ESF1: variants seen among roughly 807,000 people sequenced by gnomAD.
The protein encoded by ESF1 is ESF1 homolog.
In ESF1, 58 loss-of-function variants were observed where a neutral mutation model predicts 92.0. The observed-to-expected ratio is 0.63, with a 90% CI of 0.51 to 0.78. ESF1 has a LOEUF of 0.78. Among genes scored for constraint, ESF1 ranks in the 30% least tolerant of loss-of-function variants. The pLI, the probability that ESF1 is intolerant of heterozygous loss-of-function variation, is 0.00. For synonymous variants in ESF1, 321 were observed against 313.7 expected, an observed-to-expected ratio of 1.02 and a Z score of -0.24; for missense variants, 922 against 989.1, an observed-to-expected ratio of 0.93 and a Z score of 0.91.
At chr20:13,779,169 A>G (rs943793319) in intron 2 of ESF1, among the ~76,000 whole-genome samples, 2 of 152,234 alleles carry the variant, frequency 1.3e-5, no homozygotes, top group South Asian at 2.1e-4. Context: ...GTATTGCTCT[A>G]GTAGTGACTG....
In ESF1 at chr20:13,748,592, A is replaced by ATATATTTT. The variant is rs1331098586; in HGVS notation, c.1828+11099_1828+11100insAAAATATA. On this transcript the variant is annotated intron_variant, in intron 9 of 13. Transcript: ENST00000617257. ...TGTGTGTGTATATATATATATATATATTTTTTTTTTTTTGAGATGGAGTGT... is the reference window on the plus strand; with the variant it reads ...TGTGTGTGTATATATATATATATATATATATTTTTTTTTTTTTTTTTGAGATGGAGTGT... 2.3e-4 allele frequency among the ~76,000 whole-genome samples: 22 copies of ATATATTTT among 95,722 alleles called. 1 individual carries two copies. Among genetic ancestry groups the ATATATTTT allele is most frequent in the African/African-American group, 1.2e-3 (19 of 15,546 alleles). 62.8% of individuals were successfully genotyped at this position (95,722 alleles called of 152,430 possible).
intron 10 of ESF1, among the ~76,000 whole-genome samples, chr20:13,730,676 A>G (rs948860242): frequency 4.0e-5 from 6 of 149,682 alleles, no homozygotes; most frequent in Non-Finnish European, 7.4e-5. Context: ...GAGCCACCGC[A>G]CCCAGCCAGA....
chr20:13,761,367 G>C (rs577060966), intron 8 of ESF1, among the ~76,000 whole-genome samples: 82 of 125,328 alleles, frequency 6.5e-4, no homozygotes, highest in African/African-American at 2.4e-3. Flanking sequence ...AAACACCCAA[G>C]AATGATCAAT....
At chr20:13,721,553 G>A (rs2049868259) in intron 11 of ESF1, among the ~76,000 whole-genome samples, 1 of 152,204 alleles carries the variant, frequency 6.6e-6, no homozygotes, top group Non-Finnish European at 1.5e-5. Context: ...GAAGGGTGTG[G>A]CAGGAGAAGG....
intron 8 of ESF1, 64 bp downstream of exon 8, chr20:13,766,713 T>C (rs1979442721): frequency 1.9e-6 from 3 of 1,548,984 alleles, no homozygotes; most frequent in Non-Finnish European, 2.6e-6. Flanking sequence ...AGAATTTGGC[T>C]TTCCCTGTAA....
intron 9 of ESF1, among the ~76,000 whole-genome samples, chr20:13,751,670 G>A (rs779424843): frequency 2.6e-5 from 4 of 152,200 alleles, no homozygotes; most frequent in Non-Finnish European, 4.4e-5. Context: ...TGCTTTTTGA[G>A]TTAAATCTTT....
rs764532904 is a variant in ESF1, at chr20:13,772,638, A to G, written c.1150-23T>C. 5.9e-6 allele frequency: 9 copies of G among 1,528,418 alleles called. No individual in the cohort carries two copies. The Admixed American group carries it at 1.2e-4, about 20-fold the overall frequency. The allele number at this position is 1,528,418 out of a possible 1,614,324, so 94.7% of individuals were successfully genotyped here. ...TATCTAAACAGAAAAAAATAGGATCAATGTAATTTGTACATTCCTTTACAC... is the reference window on the plus strand; with the variant it reads ...TATCTAAACAGAAAAAAATAGGATCGATGTAATTTGTACATTCCTTTACAC... On this transcript the variant is annotated intron_variant, in intron 4 of 13. Coordinates refer to ENST00000617257, the MANE Select transcript of ESF1 (RefSeq NM_001276380.2).
chr20:13,736,769 T>A (rs1470246170), intron 9 of ESF1, among the ~76,000 whole-genome samples: 1 of 152,204 alleles, frequency 6.6e-6, no homozygotes, highest in Admixed American at 6.5e-5. Context: ...ATTCGTGAAA[T>A]GTTTATTCTT....
At chr20:13,747,589 T>G (rs1305675956) in intron 9 of ESF1, among the ~76,000 whole-genome samples, 2 of 137,134 alleles carry the variant, frequency 1.5e-5, no homozygotes, top group African/African-American at 2.8e-5. Context: ...CGAGACTCAG[T>G]CTCGAAAAAA....
At chr20:13,715,220 A>C in intron 13 of ESF1, 53 bp from the exon 14 acceptor site, 1 of 1,418,448 alleles carries the variant, frequency 7.0e-7, no homozygotes, top group Non-Finnish European at 9.2e-7. Context: ...AAAATTACTA[A>C]AGCAAAAGGC....
At chr20:13,753,364 C>G (rs1978727043) in intron 9 of ESF1, among the ~76,000 whole-genome samples, 1 of 150,856 alleles carries the variant, frequency 6.6e-6, no homozygotes, top group South Asian at 2.1e-4. Context: ...GTCCCTGCGA[C>G]TCACTGCCAA....
In ESF1 at chr20:13,782,856, C is replaced by T. The variant is rs1555827899; in HGVS notation, c.285G>A (p.Lys95=). Residue 95 remains lysine (K), a synonymous_variant, in exon 2 of 14, where the codon AAG becomes AAA. Coordinates refer to ENST00000617257, the MANE Select transcript of ESF1 (RefSeq NM_001276380.2). ...DSKALSQKKI[K]KKKTQTKKEI... ...CTTTTTTAGTCTGGGTTTTTTTCTT[C>T]TTTATTTTCTTTTGACTCAATGCTT... 1.2e-6 allele frequency: 2 copies of T among 1,600,354 alleles called. No homozygotes were observed. Among genetic ancestry groups the T allele is most frequent in the Admixed American group, 1.8e-5 (1 of 56,720 alleles).
At position 13,766,942 on chromosome 20, in the gene ESF1, G is replaced by GA; in HGVS notation, c.1519-19dup. 2 of 1,598,628 alleles carry GA rather than the reference G, an allele frequency of 1.3e-6. No homozygotes were observed. The highest frequency in any genetic ancestry group is 4.5e-5 in the East Asian group (2 of 44,590). ...ATTTCCACCTTTCACCAACAAATAAGAAAAAATAACACACGAAAATGGAAA... is the reference window on the plus strand; with the variant it reads ...ATTTCCACCTTTCACCAACAAATAAGAAAAAAATAACACACGAAAATGGAAA... On this transcript the variant is annotated intron_variant, in intron 7 of 13. Transcript: ENST00000617257.
rs1979110873 is a variant in ESF1, at chr20:13,760,341, G to A, written c.1667-488C>T. Among the ~76,000 whole-genome samples the A allele has an allele frequency of 2.0e-5, 3 of 151,742 alleles. No homozygotes were observed. The South Asian group carries it at 6.3e-4, about 32-fold the overall frequency. ...CTCTTCCCGGCCGCCATCCCATCTAGGAAGTGAGGAGCATCTCTGCCCGGC... is the reference window on the plus strand; with the variant it reads ...CTCTTCCCGGCCGCCATCCCATCTAAGAAGTGAGGAGCATCTCTGCCCGGC... On this transcript the variant is annotated intron_variant, in intron 8 of 13. Transcript: ENST00000617257.
chr20:13,765,823 A>G (rs1175130377), intron 8 of ESF1, among the ~76,000 whole-genome samples: 1 of 152,234 alleles, frequency 6.6e-6, no homozygotes, highest in African/African-American at 2.4e-5. Context: ...GTAACACACA[A>G]AATTAACTAG....
chr20:13,763,839 TA>T (rs1183770013), intron 8 of ESF1, among the ~76,000 whole-genome samples: 1 of 152,236 alleles, frequency 6.6e-6, no homozygotes, highest in Non-Finnish European at 1.5e-5. Context: ...GAGTATTAAA[TA>T]CTTAAGCAAT....
intron 9 of ESF1, among the ~76,000 whole-genome samples, chr20:13,747,988 T>C (rs989438192): frequency 2.6e-5 from 4 of 152,180 alleles, no homozygotes; most frequent in African/African-American, 9.7e-5. Context: ...TATTTGTGTA[T>C]CTAAACATAA....
At chr20:13,745,002 G>A (rs2050038796) in intron 9 of ESF1, among the ~76,000 whole-genome samples, 1 of 152,206 alleles carries the variant, frequency 6.6e-6, no homozygotes, top group Non-Finnish European at 1.5e-5. Flanking sequence ...CAAGAACAGA[G>A]TCTGGTATAC....
At chr20:13,781,356 GAT>G (rs1980179234) in intron 2 of ESF1, among the ~76,000 whole-genome samples, 2 of 152,052 alleles carry the variant, frequency 1.3e-5, no homozygotes, top group African/African-American at 4.8e-5. Flanking sequence ...AAATAATTTT[GAT>G]ATATTGGGTT....
Sources: gnomAD v4.1 joint callset for allele counts (sites outside exome capture counted in the v4.1 genomes callset) on GRCh38, gnomAD v4.1.1 for gene constraint, MANE v1.5 for transcripts, NCBI Gene and HGNC (gene_info 2026-07-23, HGNC 2026-07-21) for gene names.